INTU: variants seen among roughly 807,000 people sequenced by gnomAD.
The protein encoded by INTU is protein inturned.
INTU carries 68 observed loss-of-function variants against 100.5 expected under a neutral mutation model. That is an observed-to-expected ratio of 0.68 (90% confidence interval 0.56 to 0.83). The LOEUF is 0.83. Ranked by LOEUF, INTU falls within the 40% of genes least tolerant of loss-of-function variation. The pLI is 0.00. For missense variants in INTU, 1,071 were observed against 1,114.7 expected (o/e 0.96, Z 0.56); for synonymous variants, 357 against 395.7 (o/e 0.90, Z 1.16).
intron 5 of INTU, among the ~76,000 whole-genome samples, chr4:127,669,682 G>A (rs1297464312): frequency 6.6e-6 from 1 of 151,598 alleles, no homozygotes; most frequent in African/African-American, 2.4e-5. Context: ...TCTTTAGGAG[G>A]GCTATTCATA....
intron 2 of INTU, among the ~76,000 whole-genome samples, chr4:127,655,539 G>A (rs1027133261): frequency 7.9e-5 from 12 of 151,616 alleles, no homozygotes; most frequent in Non-Finnish European, 1.3e-4. Flanking sequence ...CTGCTCGGGG[G>A]TCAGGGGTCA....
rs1048872798 is a variant in INTU, at chr4:127,724,935, G to A, written c.*8499G>A. ...TATTTGTCCCATTAGTGACTAGTGG[G>A]CCTTAATTTTGGCATTCAAATTAGG... On this transcript the variant is annotated 3_prime_UTR_variant, in exon 16 of 16. Transcript: ENST00000335251. 3 of 152,026 alleles carry A rather than the reference G, an allele frequency of 2.0e-5. No homozygotes were observed. The South Asian group carries it at 6.2e-4, about 32-fold the overall frequency. 9.4% of individuals were successfully genotyped at this position (152,026 alleles called of 1,614,324 possible). A position where few individuals can be genotyped will look rare whatever the true frequency, so the allele number is the denominator to read the frequency against.
At chr4:127,698,413 G>A (rs910173325) in intron 8 of INTU, among the ~76,000 whole-genome samples, 6 of 150,570 alleles carry the variant, frequency 4.0e-5, no homozygotes, top group Non-Finnish European at 5.9e-5. Flanking sequence ...CATGAGCCAA[G>A]ATTGTGCCAC....
chr4:127,633,810 C>T (rs1726950518), intron 1 of INTU, among the ~76,000 whole-genome samples: 1 of 152,168 alleles, frequency 6.6e-6, no homozygotes. Flanking sequence ...AAAGGTTTCA[C>T]TTTCTTAATA....
At chr4:127,715,447 T>C (rs534392320) in intron 15 of INTU, among the ~76,000 whole-genome samples, 9 of 152,298 alleles carry the variant, frequency 5.9e-5, no homozygotes, top group African/African-American at 2.2e-4. Flanking sequence ...AAGTCACTTG[T>C]TAAAATCTGA....
chr4:127,690,192 C>A (rs1008285579), intron 8 of INTU, among the ~76,000 whole-genome samples: 9 of 152,292 alleles, frequency 5.9e-5, no homozygotes, highest in African/African-American at 2.2e-4. Context: ...AAGGCTACCT[C>A]TTTTTCATTG....
chr4:127,717,466 T>C lies in INTU; in HGVS notation c.*1030T>C, dbSNP rs1040974068. 1 of 152,258 alleles carries C rather than the reference T, an allele frequency of 6.6e-6. No homozygotes were observed. Among genetic ancestry groups the C allele is most frequent in the Non-Finnish European group, 1.5e-5 (1 of 68,046 alleles). 9.4% of individuals were successfully genotyped at this position (152,258 alleles called of 1,614,324 possible). A position where few individuals can be genotyped will look rare whatever the true frequency, so the allele number is the denominator to read the frequency against. ...ATGAACATATGTGTGCATATATATTTGTAATTGAATGATTTATATTACTTT... is the reference window on the plus strand; with the variant it reads ...ATGAACATATGTGTGCATATATATTCGTAATTGAATGATTTATATTACTTT... On this transcript the variant is annotated 3_prime_UTR_variant, in exon 16 of 16. Transcript: ENST00000335251.
chr4:127,700,179 CT>C, intron 9 of INTU, 116 bp downstream of exon 9: 1 of 803,078 alleles, frequency 1.2e-6, no homozygotes, highest in Non-Finnish European at 1.9e-6. Context: ...CACATTAGGC[CT>C]CTGTTTTGAC....
At chr4:127,651,201 G>C (rs901473279) in intron 2 of INTU, among the ~76,000 whole-genome samples, 1 of 151,954 alleles carries the variant, frequency 6.6e-6, no homozygotes, top group African/African-American at 2.4e-5. Context: ...TTCTTTTGCT[G>C]TGCAGAAGCT....
Position 127,650,856 on chromosome 4 carries a change from A to G in INTU, c.683-5780A>G, listed in dbSNP as rs543020991. On this transcript the variant is annotated intron_variant, in intron 2 of 15. Transcript: ENST00000335251. ...CCACCAACAGTGTAAAAGTGTTCCTATTTCTCCACATCCTGTCCAGCACCT... is the reference window on the plus strand; with the variant it reads ...CCACCAACAGTGTAAAAGTGTTCCTGTTTCTCCACATCCTGTCCAGCACCT... 8.5e-5 allele frequency among the ~76,000 whole-genome samples: 13 copies of G among 152,138 alleles called. No homozygotes were observed. In the East Asian group the frequency reaches 2.3e-3, roughly 27 times the overall value.
chr4:127,674,342 C>T lies in INTU; in HGVS notation c.1181+129C>T, dbSNP rs553201652. The T allele has an allele frequency of 6.6e-4, 439 of 668,238 alleles. 4 individuals are homozygous for T. In the South Asian group the frequency reaches 7.5e-3, roughly 11 times the overall value. 41.4% of individuals were successfully genotyped at this position (668,238 alleles called of 1,614,324 possible). A position where few individuals can be genotyped will look rare whatever the true frequency, so the allele number is the denominator to read the frequency against. On this transcript the variant is annotated intron_variant, in intron 6 of 15. Coordinates refer to ENST00000335251, the MANE Select transcript of INTU (RefSeq NM_015693.4). Reference sequence around the variant, plus strand: ...TTTTACAGTTTAAAGATCTATTGCACTAGTAAAATAGTTACCTGTGTTCGT... The same window carrying T: ...TTTTACAGTTTAAAGATCTATTGCATTAGTAAAATAGTTACCTGTGTTCGT...
In INTU at chr4:127,695,386, A is replaced by T. The variant is rs59665795; in HGVS notation, c.1450-4624A>T. Among the ~76,000 whole-genome samples the T allele has an allele frequency of 4.0e-3, 610 of 152,214 alleles. 4 individuals are homozygous for T. The highest frequency in any genetic ancestry group is 0.014 in the African/African-American group (586 of 41,548). On this transcript the variant is annotated intron_variant, in intron 8 of 15. Transcript: ENST00000335251. ...TTTGGGAGGCTGAGATGGGTGGATC[A>T]CTTGAGGTCAGGAGTTCAAAACCAG...
Position 127,678,698 on chromosome 4 carries a change from G to A in INTU, c.1181+4485G>A, listed in dbSNP as rs867537714. Among the ~76,000 whole-genome samples, 213 of 152,206 alleles carry A rather than the reference G, an allele frequency of 1.4e-3. 3 individuals are homozygous for A. In the Middle Eastern group the frequency reaches 0.024, roughly 17 times the overall value. ...CTAGGAAGAAACTGCATCAACTAAC[G>A]AGCAAAATAACCAGCTAACATCATA... On this transcript the variant is annotated intron_variant, in intron 6 of 15. Coordinates refer to ENST00000335251, the MANE Select transcript of INTU (RefSeq NM_015693.4).
intron 6 of INTU, among the ~76,000 whole-genome samples, chr4:127,679,194 T>C (rs1469679216): frequency 5.3e-5 from 8 of 151,074 alleles, no homozygotes; most frequent in East Asian, 1.9e-4. Context: ...GACAGATCAA[T>C]GAGACAGAAA....
At chr4:127,666,154 A>T (rs1414144306) in intron 4 of INTU, among the ~76,000 whole-genome samples, 1 of 152,006 alleles carries the variant, frequency 6.6e-6, no homozygotes, top group Non-Finnish European at 1.5e-5. Flanking sequence ...TATTTTTAGA[A>T]GTTTCTGAAT....
In INTU at chr4:127,718,570, T is replaced by C. The variant is rs1438775809; in HGVS notation, c.*2134T>C. Reference sequence around the variant, plus strand: ...ATAACATTGACTCTATAAATTACTTTGGGCAGTATGGCTATTTTCATGATA... The same window carrying C: ...ATAACATTGACTCTATAAATTACTTCGGGCAGTATGGCTATTTTCATGATA... On this transcript the variant is annotated 3_prime_UTR_variant, in exon 16 of 16. Coordinates refer to ENST00000335251, the MANE Select transcript of INTU (RefSeq NM_015693.4). The C allele has an allele frequency of 6.6e-6, 1 of 152,232 alleles. No homozygotes were observed. Among genetic ancestry groups the C allele is most frequent in the Non-Finnish European group, 1.5e-5 (1 of 68,048 alleles). 9.4% of individuals were successfully genotyped at this position (152,232 alleles called of 1,614,324 possible).
intron 5 of INTU, among the ~76,000 whole-genome samples, chr4:127,672,881 TA>T (rs1728996575): frequency 6.6e-6 from 1 of 152,232 alleles, no homozygotes; most frequent in African/African-American, 2.4e-5. Flanking sequence ...ATTAAATTTT[TA>T]AAACTTCACT....
intron 2 of INTU, among the ~76,000 whole-genome samples, chr4:127,646,728 C>T (rs1453308354): frequency 6.6e-6 from 1 of 152,014 alleles, no homozygotes; most frequent in Non-Finnish European, 1.5e-5. Flanking sequence ...AAGTTGGTAC[C>T]ATTATTCAAG....
At chr4:127,714,844 CAT>C (rs946095810) in intron 15 of INTU, among the ~76,000 whole-genome samples, 1 of 151,838 alleles carries the variant, frequency 6.6e-6, no homozygotes, top group African/African-American at 2.4e-5. Context: ...ACTTGATAAA[CAT>C]GTGATGGCTG....
Sources: gnomAD v4.1 joint callset for allele counts (sites outside exome capture counted in the v4.1 genomes callset) on GRCh38, gnomAD v4.1.1 for gene constraint, MANE v1.5 for transcripts, NCBI Gene and HGNC (gene_info 2026-07-23, HGNC 2026-07-21) for gene names.